The following EPYC variants were observed in gnomAD, a reference collection of about 807,000 sequenced individuals.
EPYC encodes dermatan sulfate proteoglycan 3.
In EPYC, 28 loss-of-function variants were observed where a neutral mutation model predicts 30.1. That is an observed-to-expected ratio of 0.93 (90% CI 0.69 to 1.28). The LOEUF is 1.28. Among genes scored for constraint, EPYC ranks in the 50% most tolerant of loss-of-function variants. EPYC has a pLI of 0.00. For synonymous variants in EPYC, 144 were observed against 141.4 expected (o/e 1.02, Z -0.13); for missense variants, 382 against 383.5 (o/e 1.00, Z 0.03).
intron 3 of EPYC, among the ~76,000 whole-genome samples, chr12:90,975,802 TCTC>T (rs1171745302): frequency 1.3e-5 from 2 of 152,102 alleles, no homozygotes; most frequent in Non-Finnish European, 2.9e-5. Flanking sequence ...TACATTTTCT[TCTC>T]ATTGTGTCTC....
chr12:90,986,067 C>T (rs1877441411), intron 2 of EPYC, among the ~76,000 whole-genome samples: 1 of 152,100 alleles, frequency 6.6e-6, no homozygotes, highest in Non-Finnish European at 1.5e-5. Flanking sequence ...GAAAGTCTCA[C>T]ACCCTTATTA....
At chr12:90,990,771 C>T (rs1877564860) in intron 2 of EPYC, among the ~76,000 whole-genome samples, 1 of 152,060 alleles carries the variant, frequency 6.6e-6, no homozygotes. Context: ...TATTAGCTCT[C>T]ATGAGTTTTT....
Position 91,004,414 on chromosome 12 carries a change from C to G in EPYC, c.-14+533G>C, listed in dbSNP as rs1265099796. 5.9e-5 allele frequency among the ~76,000 whole-genome samples: 9 copies of G among 152,102 alleles called. No individual in the cohort carries two copies. In the East Asian group the frequency reaches 1.7e-3, roughly 29 times the overall value. On this transcript the variant is annotated intron_variant, in intron 1 of 6. Transcript: ENST00000261172. ...TCCTTTCTTCAAGTAATTGTATTAG[C>G]ATTTAATGTAGTTTCTTAATTAACA...
chr12:90,984,153 A>G (rs1371221832), intron 2 of EPYC, among the ~76,000 whole-genome samples: 1 of 152,178 alleles, frequency 6.6e-6, no homozygotes, highest in Non-Finnish European at 1.5e-5. Flanking sequence ...CTAACAGGAA[A>G]ACGCTTAGGA....
chr12:90,991,393 C>A (rs940759000), intron 2 of EPYC, among the ~76,000 whole-genome samples: 2 of 151,952 alleles, frequency 1.3e-5, no homozygotes, highest in Non-Finnish European at 2.9e-5. Flanking sequence ...AGTGAAGTCC[C>A]AATTCTGGCT....
chr12:90,971,529 G>A lies in EPYC; in HGVS notation c.702+271C>T, dbSNP rs140886933. ...TACAAAAATATACAAAATTTAGCCA[G>A]GCATGGTGACACGCATCTTGTAGTC... On this transcript the variant is annotated intron_variant, in intron 5 of 6. Coordinates refer to ENST00000261172, the MANE Select transcript of EPYC (RefSeq NM_004950.5). Among the ~76,000 whole-genome samples the A allele has an allele frequency of 2.7e-3, 411 of 151,898 alleles. 1 individual carries two copies. Among genetic ancestry groups the A allele is most frequent in the African/African-American group, 9.4e-3 (391 of 41,416 alleles).
At chr12:90,995,943 T>A (rs1488133281) in intron 2 of EPYC, among the ~76,000 whole-genome samples, 1 of 151,930 alleles carries the variant, frequency 6.6e-6, no homozygotes, top group Non-Finnish European at 1.5e-5. Context: ...TCACGTACTC[T>A]GGAAAAAGAT....
intron 2 of EPYC, among the ~76,000 whole-genome samples, chr12:90,991,549 T>C (rs891552502): frequency 1.3e-5 from 2 of 152,002 alleles, no homozygotes; most frequent in Non-Finnish European, 2.9e-5. Flanking sequence ...TGCCTGAAAA[T>C]GAAGGTGTGG....
In EPYC at chr12:91,002,585, A is replaced by G; in HGVS notation, c.-13-7T>C. 6.3e-7 allele frequency: 1 copy of G among 1,582,376 alleles called. No homozygotes were observed. On this transcript the variant is annotated splice_polypyrimidine_tract_variant and splice_region_variant and intron_variant, in intron 1 of 6. Coordinates refer to ENST00000261172, the MANE Select transcript of EPYC (RefSeq NM_004950.5). ...CTTCATTTTTCAAGCTTTCCTAATT[A>G]TAAAATATTAAAATGCATAAATATT... is the stretch of plus-strand genomic sequence containing the variant.
At chr12:90,990,874 C>A (rs1877568043) in intron 2 of EPYC, among the ~76,000 whole-genome samples, 1 of 152,060 alleles carries the variant, frequency 6.6e-6, no homozygotes, top group South Asian at 2.1e-4. Context: ...CTGGGATATT[C>A]TTTTTTTCTC....
intron 5 of EPYC, among the ~76,000 whole-genome samples, chr12:90,970,815 G>A (rs1327555869): frequency 2.6e-5 from 4 of 152,190 alleles, no homozygotes; most frequent in African/African-American, 9.7e-5. Flanking sequence ...TGGTTATGAG[G>A]CCACACTATC....
At position 90,978,993 on chromosome 12, in the gene EPYC, AC is replaced by A. The variant is rs1856641119; in HGVS notation, c.166-732del. Among the ~76,000 whole-genome samples, 4 of 152,314 alleles carry A rather than the reference AC, an allele frequency of 2.6e-5. No individual in the cohort carries two copies. The South Asian group carries it at 8.3e-4, about 32-fold the overall frequency. ...GACACTAGGAGGCAGTTATAAAATT[AC>A]AAAATTATTCAAAGGTTTTTTTTTA... On this transcript the variant is annotated intron_variant, in intron 2 of 6. Transcript: ENST00000261172.
chr12:90,992,661 A>G (rs1877612522), intron 2 of EPYC, among the ~76,000 whole-genome samples: 1 of 152,174 alleles, frequency 6.6e-6, no homozygotes, highest in South Asian at 2.1e-4. Flanking sequence ...TTGCATATTT[A>G]CAAACTGTGC....
chr12:90,981,327 G>T (rs1018948513), intron 2 of EPYC, among the ~76,000 whole-genome samples: 1 of 152,094 alleles, frequency 6.6e-6, no homozygotes, highest in African/African-American at 2.4e-5. Flanking sequence ...AAGTGTCTCA[G>T]ACTAAGTTTC....
chr12:90,968,167 T>C (rs955239965), intron 6 of EPYC, among the ~76,000 whole-genome samples: 4 of 152,176 alleles, frequency 2.6e-5, no homozygotes, highest in African/African-American at 9.6e-5. Context: ...AAAGTGTCAA[T>C]GAGGAATAAT....
intron 2 of EPYC, among the ~76,000 whole-genome samples, chr12:90,995,478 C>A (rs1267574700): frequency 6.6e-6 from 1 of 151,816 alleles, no homozygotes; most frequent in Non-Finnish European, 1.5e-5. Context: ...AGAATGGGGG[C>A]TTTTAGGGGC....
Position 90,971,814 on chromosome 12 carries a change from G to C in EPYC, c.688C>G (p.Gln230Glu). The change falls in exon 5 of 7, where the codon CAA (glutamine) becomes GAA (glutamate). Residue 230 changes from glutamine to glutamate, a missense_variant. By Grantham distance (29) the Gln-to-Glu change is conservative. Coordinates refer to ENST00000261172, the MANE Select transcript of EPYC (RefSeq NM_004950.5). ...TTAAAACTTACTTTAAATGCTTCTT[G>C]CTTTATCCCTTTCCTTCCAAGTCTA... ...NNRLGRKGIK[Q>E]EAFKDMYDLH... The C allele has an allele frequency of 1.2e-6, 2 of 1,601,486 alleles. No homozygotes were observed. The highest frequency in any genetic ancestry group is 2.3e-5 in the South Asian group (2 of 88,430).
intron 2 of EPYC, among the ~76,000 whole-genome samples, chr12:90,989,292 AAATAT>A (rs1877526858): frequency 6.6e-6 from 1 of 152,134 alleles, no homozygotes; most frequent in South Asian, 2.1e-4. Context: ...GTACTTACTG[AAATAT>A]AATATCACCA....
At chr12:90,986,227 A>G (rs939898406) in intron 2 of EPYC, among the ~76,000 whole-genome samples, 3 of 152,050 alleles carry the variant, frequency 2.0e-5, no homozygotes, top group Middle Eastern at 3.2e-3. Flanking sequence ...ATGCCTGCCC[A>G]GTCCAAATCA....
Sources: gnomAD v4.1 joint callset for allele counts (sites outside exome capture counted in the v4.1 genomes callset) on GRCh38, gnomAD v4.1.1 for gene constraint, MANE v1.5 for transcripts, NCBI Gene and HGNC (gene_info 2026-07-23, HGNC 2026-07-21) for gene names.